The following FXYD6 variants were observed in gnomAD, a reference collection of about 807,000 sequenced individuals.
FXYD6 encodes the protein FXYD domain containing ion transport regulator 6.
Under a neutral mutation model 16.7 loss-of-function variants are expected in FXYD6, and 7 were observed. The observed-to-expected ratio is 0.42, with a 90% confidence interval of 0.24 to 0.79. The LOEUF (loss-of-function observed/expected upper bound fraction) is 0.79, where lower values mean the gene tolerates loss of function less well. Among genes scored for constraint, FXYD6 ranks in the 30% least tolerant of loss-of-function variants. The probability of loss-of-function intolerance (pLI) is 0.28; values close to 1 mark genes in which losing one functional copy is unlikely to be tolerated. For synonymous variants in FXYD6, 49 were observed against 43.0 expected (o/e 1.14, Z -0.54); for missense variants, 111 against 116.2 (o/e 0.95, Z 0.21).
intron 1 of FXYD6, among the ~76,000 whole-genome samples, chr11:117,845,728 AAC>A (rs1288002472): frequency 6.6e-6 from 1 of 152,208 alleles, no homozygotes; most frequent in African/African-American, 2.4e-5. Flanking sequence ...ATTTTGAGGA[AAC>A]AGTTTTTTGA....
rs558324866 is a variant in FXYD6, at chr11:117,855,830, A to G, written c.-5-13049T>C. ...GCCAGCACAGGGGGCCTGAGAAATC[A>G]TCACTGCTGGAGTGGGGGACTCCCT... is the stretch of plus-strand genomic sequence containing the variant. On this transcript the variant is annotated intron_variant, in intron 1 of 7. Transcript: ENST00000526014. Among the ~76,000 whole-genome samples the G allele has an allele frequency of 2.0e-5, 3 of 152,264 alleles. No individual in the cohort carries two copies. In the South Asian group the frequency reaches 6.2e-4, roughly 32 times the overall value.
intron 7 of FXYD6, chr11:117,839,207 G>C (rs1324981070): frequency 2.0e-5 from 3 of 152,720 alleles, no homozygotes; most frequent in Non-Finnish European, 4.4e-5. Context: ...GCAGACTCGA[G>C]TGAGTCTGTG....
chr11:117,839,632 G>T, intron 7 of FXYD6, 149 bp downstream of exon 7: 1 of 852,034 alleles, frequency 1.2e-6, no homozygotes, highest in Non-Finnish European at 1.8e-6. Context: ...GCCCCTTTCA[G>T]ACTCCTGAAG....
At chr11:117,847,108 C>G (rs1274015884) in intron 1 of FXYD6, among the ~76,000 whole-genome samples, 5 of 152,114 alleles carry the variant, frequency 3.3e-5, no homozygotes, top group Non-Finnish European at 5.9e-5. Flanking sequence ...TTCCTAAGTG[C>G]CTTATCATTT....
intron 1 of FXYD6, among the ~76,000 whole-genome samples, chr11:117,876,072 C>T (rs983266023): frequency 5.3e-5 from 8 of 152,120 alleles, no homozygotes; most frequent in Non-Finnish European, 1.2e-4. Flanking sequence ...TCTTTCCCTG[C>T]GCCCCCATCC....
chr11:117,863,977 T>C (rs1044336749), intron 1 of FXYD6, among the ~76,000 whole-genome samples: 1 of 152,164 alleles, frequency 6.6e-6, no homozygotes, highest in African/African-American at 2.4e-5. Context: ...AAATAGTCCA[T>C]GTTTGTAGAT....
chr11:117,838,333 T>C (rs1407741941), intron 7 of FXYD6, 56 bp from the exon 8 acceptor site: 3 of 702,092 alleles, frequency 4.3e-6, no homozygotes, highest in Non-Finnish European at 7.8e-6. Flanking sequence ...GGTATCCTTA[T>C]CTGCTTCTCT....
chr11:117,851,433 A>G (rs748645043), intron 1 of FXYD6, among the ~76,000 whole-genome samples: 6 of 152,222 alleles, frequency 3.9e-5, no homozygotes, highest in Non-Finnish European at 8.8e-5. Context: ...CATGAACCAC[A>G]TAAGTGAGCT....
chr11:117,859,079 T>A (rs932921963), intron 1 of FXYD6, among the ~76,000 whole-genome samples: 1 of 151,896 alleles, frequency 6.6e-6, no homozygotes, highest in Middle Eastern at 3.2e-3. Context: ...CCCGGCCGAT[T>A]CTGTGTCATT....
At chr11:117,876,962 A>G (rs879289781), upstream of FXYD6, 2 of 152,208 alleles carry the variant, frequency 1.3e-5, no homozygotes, top group African/African-American at 4.8e-5. Flanking sequence ...CCGAGAAGCA[A>G]CAGGAGACTG....
chr11:117,855,084 T>C (rs2056691837), intron 1 of FXYD6, among the ~76,000 whole-genome samples: 2 of 152,188 alleles, frequency 1.3e-5, no homozygotes, highest in South Asian at 2.1e-4. Flanking sequence ...AACAACCCAG[T>C]TGGACTAAAG....
In FXYD6 at chr11:117,858,711, CTCTCCT is replaced by C. The variant is rs1417674061; in HGVS notation, c.-5-15936_-5-15931del. On this transcript the variant is annotated intron_variant, in intron 1 of 7. Coordinates refer to ENST00000526014, the MANE Select transcript of FXYD6 (RefSeq NM_022003.4). Reference sequence around the variant, plus strand: ...TCTTTCTTTCTTTCTTTCTCTCTCTCTCTCCTTCCTTCCCTTCCTTCCTTCCTTCCT... The same window carrying C: ...TCTTTCTTTCTTTCTTTCTCTCTCTCTCCTTCCCTTCCTTCCTTCCTTCCT... Among the ~76,000 whole-genome samples the C allele has an allele frequency of 6.3e-5, 8 of 126,192 alleles. No individual in the cohort carries two copies. In the East Asian group the frequency reaches 1.4e-3, roughly 22 times the overall value. 82.8% of individuals were successfully genotyped at this position (126,192 alleles called of 152,430 possible).
At chr11:117,846,078 C>T (rs1591558094) in intron 1 of FXYD6, among the ~76,000 whole-genome samples, 1 of 152,162 alleles carries the variant, frequency 6.6e-6, no homozygotes, top group Non-Finnish European at 1.5e-5. Flanking sequence ...ATCACTGTCC[C>T]CATTACTCTA....
chr11:117,851,239 A>C (rs1311622686), intron 1 of FXYD6, among the ~76,000 whole-genome samples: 1 of 151,994 alleles, frequency 6.6e-6, no homozygotes, highest in Non-Finnish European at 1.5e-5. Context: ...ATGGTATGTC[A>C]CTTTCGATAT....
chr11:117,853,304 C>G (rs2056648507), intron 1 of FXYD6, among the ~76,000 whole-genome samples: 1 of 152,306 alleles, frequency 6.6e-6, no homozygotes, highest in East Asian at 1.9e-4. Flanking sequence ...GCAGCAGATA[C>G]CAACCTGAGA....
intron 1 of FXYD6, among the ~76,000 whole-genome samples, chr11:117,875,563 A>T (rs1399426053): frequency 1.3e-5 from 2 of 152,134 alleles, no homozygotes; most frequent in Non-Finnish European, 2.9e-5. Flanking sequence ...CCATAATATG[A>T]GGGTGGCTGG....
intron 1 of FXYD6, among the ~76,000 whole-genome samples, chr11:117,866,327 A>AG (rs981948361): frequency 2.0e-5 from 3 of 152,120 alleles, no homozygotes; most frequent in African/African-American, 7.2e-5. Flanking sequence ...CTAAAAAAAA[A>AG]CTGGGGGGGA....
intron 1 of FXYD6, among the ~76,000 whole-genome samples, chr11:117,848,881 A>G (rs2056540086): frequency 6.6e-6 from 1 of 152,046 alleles, no homozygotes; most frequent in Non-Finnish European, 1.5e-5. Context: ...GTTTCACCAG[A>G]GGTTTAACGA....
At chr11:117,858,687 CTTTCTTTCTT>C (rs1170746502) in intron 1 of FXYD6, among the ~76,000 whole-genome samples, 11 of 90,416 alleles carry the variant, frequency 1.2e-4, no homozygotes, top group African/African-American at 2.8e-4. Flanking sequence ...TTCTTTCTTT[CTTTCTTTCTT>C]TCTTTCTCTC....
Sources: gnomAD v4.1 joint callset for allele counts (sites outside exome capture counted in the v4.1 genomes callset) on GRCh38, gnomAD v4.1.1 for gene constraint, MANE v1.5 for transcripts, NCBI Gene and HGNC (gene_info 2026-07-23, HGNC 2026-07-21) for gene names.